Variants in CCNF observed in about 807,000 individuals in gnomAD.
CCNF encodes cyclin F, also known as cyclin-F.
In CCNF, 30 loss-of-function variants were observed where a neutral mutation model predicts 85.4. The ratio of observed to expected loss-of-function variants is 0.35; its 90% CI spans 0.26 to 0.48. The LOEUF is 0.48. Among genes scored for constraint, CCNF ranks in the 20% least tolerant of loss-of-function variants. The pLI is 0.99. For synonymous variants in CCNF, 439 were observed against 425.1 expected, an observed-to-expected ratio of 1.03 and a Z score of -0.40; for missense variants, 919 against 1,010.4, an observed-to-expected ratio of 0.91 and a Z score of 1.23.
chr16:2,433,895 C>T (rs533340702), intron 3 of CCNF, among the ~76,000 whole-genome samples: 2 of 152,210 alleles, frequency 1.3e-5, no homozygotes, highest in Non-Finnish European at 2.9e-5. Context: ...AAATCCAGAT[C>T]GACAGCCAAC....
In CCNF at chr16:2,445,453, C is replaced by T. The variant is rs376429792; in HGVS notation, c.930-5C>T. 170 of 1,613,802 alleles carry T rather than the reference C, an allele frequency of 1.1e-4. No individual in the cohort carries two copies. Among genetic ancestry groups the T allele is most frequent in the African/African-American group, 8.0e-4 (60 of 74,930 alleles). On this transcript the variant is annotated splice_polypyrimidine_tract_variant and splice_region_variant and intron_variant, in intron 9 of 16. Coordinates refer to ENST00000397066, the MANE Select transcript of CCNF (RefSeq NM_001761.3). ...ACCAGTTCCCACGTGCTTCTCTTTC[C>T]GCAGGTACATTCTGATCGACTGGCT...
intron 2 of CCNF, 100 bp downstream of exon 2, chr16:2,431,384 A>C: frequency 7.4e-7 from 1 of 1,345,252 alleles, no homozygotes; most frequent in East Asian, 2.3e-5. Context: ...GCTAAAAAAG[A>C]GGTTGGGGCA....
Position 2,453,835 on chromosome 16 carries a change from C to T in CCNF, c.1715+298C>T, listed in dbSNP as rs763732427. Among the ~76,000 whole-genome samples, 13 of 152,218 alleles carry T rather than the reference C, an allele frequency of 8.5e-5. No homozygotes were observed. Among genetic ancestry groups the T allele is most frequent in the African/African-American group, 2.7e-4 (11 of 41,446 alleles). ...AGCCTAGCCTGGCTCTAGCCCTGCCCGTGCCTGTCATGCGCGTCCTGGACT... is the reference window on the plus strand; with the variant it reads ...AGCCTAGCCTGGCTCTAGCCCTGCCTGTGCCTGTCATGCGCGTCCTGGACT... On this transcript the variant is annotated intron_variant, in intron 15 of 16. Transcript: ENST00000397066. This position sits in a 1 kb window ranked among gnomAD's most constrained non-coding sequence, Gnocchi z 5.6.
chr16:2,438,864 G>C (rs1355608577), intron 6 of CCNF, among the ~76,000 whole-genome samples: 1 of 151,900 alleles, frequency 6.6e-6, no homozygotes, highest in Non-Finnish European at 1.5e-5. Context: ...CGGGCATGGT[G>C]GTGGGCACCT....
At chr16:2,441,342 G>T (rs573416683) in intron 8 of CCNF, among the ~76,000 whole-genome samples, 39 of 152,272 alleles carry the variant, frequency 2.6e-4, no homozygotes, top group Non-Finnish European at 5.0e-4. Flanking sequence ...GCTGCAGAGA[G>T]CCGTGATCGC....
In CCNF at chr16:2,451,142, C is replaced by G. The variant is rs972483408; in HGVS notation, c.1487+1227C>G. On this transcript the variant is annotated intron_variant, in intron 13 of 16. Transcript: ENST00000397066. This position sits in a 1 kb window ranked among gnomAD's most constrained non-coding sequence, Gnocchi z 4.3. ...TTGTTCCATGCAGTTCATGAAGTCC[C>G]TACCGTGGTCCAGGCGCTGGGGGAG... Among the ~76,000 whole-genome samples, 5 of 152,240 alleles carry G rather than the reference C, an allele frequency of 3.3e-5. No homozygotes were observed. The highest frequency in any genetic ancestry group is 5.9e-5 in the Non-Finnish European group (4 of 68,046).
At chr16:2,449,044 ATT>A in intron 11 of CCNF, 66 bp downstream of exon 11, 2 of 1,381,104 alleles carry the variant, frequency 1.4e-6, no homozygotes, top group South Asian at 1.2e-5. Flanking sequence ...GGGGGTGGGC[ATT>A]CAGCTTTCCT....
chr16:2,449,805 C>CCCTCCACT lies in CCNF; in HGVS notation c.1400-20_1400-19insCCACTCCT, dbSNP rs767404667. 6 of 1,089,620 alleles carry CCCTCCACT rather than the reference C, an allele frequency of 5.5e-6. No individual in the cohort carries two copies. The Admixed American group carries it at 9.2e-5, about 17-fold the overall frequency. The allele number at this position is 1,089,620 out of a possible 1,614,324, so 67.5% of individuals were successfully genotyped here. ...CCTCCGTCCCCTCCATCCCCTCCAC[C>CCCTCCACT]CCTGGCCTGCTTTCCTCCCCAGCAC... On this transcript the variant is annotated intron_variant, in intron 12 of 16. Transcript: ENST00000397066.
At chr16:2,437,359 C>T (rs1306865837) in intron 5 of CCNF, 37 bp downstream of exon 5, 2 of 1,490,500 alleles carry the variant, frequency 1.3e-6, no homozygotes, top group East Asian at 2.3e-5. Flanking sequence ...GCGAGGCCAC[C>T]TGCAGGGTCC....
At chr16:2,446,681 G>A (rs993749568) in intron 10 of CCNF, among the ~76,000 whole-genome samples, 1 of 152,242 alleles carries the variant, frequency 6.6e-6, no homozygotes, top group Non-Finnish European at 1.5e-5. Flanking sequence ...GTAAGCTACA[G>A]AGACTTGTTT....
chr16:2,438,677 T>C (rs1438887527), intron 6 of CCNF, among the ~76,000 whole-genome samples: 1 of 147,352 alleles, frequency 6.8e-6, no homozygotes, highest in Non-Finnish European at 1.5e-5. Context: ...AGGAGGAAGA[T>C]GGTGAGTAGA....
rs148419125 is a variant in CCNF, at chr16:2,456,731, G to A, written c.2072G>A (p.Arg691Gln). The stretch of plus-strand genomic sequence containing the variant: ...CCCAAACCCCTGGTCCGCACCAGCC[G>A]GGAGCCAGGGAAGGACGTCACGACC... Reference protein sequence around the residue: ...PGPKPLVRTSREPGKDVTTSG... With the variant: ...PGPKPLVRTSQEPGKDVTTSG... The change falls in exon 17 of 17, where the codon CGG becomes CAG. Residue 691 changes from arginine to glutamine, a missense_variant. Arg to Gln is a conservative substitution (Grantham distance 43). Coordinates refer to ENST00000397066, the MANE Select transcript of CCNF (RefSeq NM_001761.3). The surrounding 1 kb of genome is among the most constrained non-coding windows in gnomAD (Gnocchi z 4.5). The A allele has an allele frequency of 4.5e-4, 720 of 1,612,246 alleles. 1 individual carries two copies. The highest frequency in any genetic ancestry group is 1.2e-3 in the East Asian group (55 of 44,860).
intron 10 of CCNF, among the ~76,000 whole-genome samples, chr16:2,446,848 A>G (rs2065364759): frequency 6.6e-6 from 1 of 152,180 alleles, no homozygotes; most frequent in South Asian, 2.1e-4. Flanking sequence ...TACCTGCCAC[A>G]TTCACCTTTG....
rs373935407 is a variant in CCNF, at chr16:2,449,425, C to G, written c.1362C>G (p.Ala454=). The part of the protein sequence containing the change: ...LSAYAPARLA[A]AALLLARLTH... The stretch of plus-strand genomic sequence containing the variant: ...CCTACGCCCCAGCCCGCCTGGCTGC[C>G]GCAGCCCTGCTCCTGGCCAGACTGA... The change falls in exon 12 of 17, where the codon GCC becomes GCG. Residue 454 remains alanine (A), a synonymous_variant. Coordinates refer to ENST00000397066, the MANE Select transcript of CCNF (RefSeq NM_001761.3). 6.2e-7 allele frequency: 1 copy of G among 1,609,198 alleles called. No individual in the cohort carries two copies.
rs757281805 is a variant in CCNF, at chr16:2,449,427, C to T, written c.1364C>T (p.Ala455Val). The change falls in exon 12 of 17, where the codon GCA (alanine) becomes GTA (valine). Residue 455 changes from alanine (A) to valine (V), a missense_variant. Coordinates refer to ENST00000397066, the MANE Select transcript of CCNF (RefSeq NM_001761.3). Reference protein sequence around the residue: ...SAYAPARLAAAALLLARLTHG... With the variant: ...SAYAPARLAAVALLLARLTHG... ...TACGCCCCAGCCCGCCTGGCTGCCG[C>T]AGCCCTGCTCCTGGCCAGACTGACG... is the stretch of plus-strand genomic sequence containing the variant. 1.2e-6 allele frequency: 2 copies of T among 1,609,000 alleles called. No homozygotes were observed. Among genetic ancestry groups the T allele is most frequent in the East Asian group, 4.5e-5 (2 of 44,874 alleles).
At chr16:2,449,137 C>G in intron 11 of CCNF, 145 bp from the exon 12 acceptor site, 1 of 1,419,596 alleles carries the variant, frequency 7.0e-7, no homozygotes, top group South Asian at 1.2e-5. Context: ...CACGGTTGCA[C>G]CACGTCGCCA....
At chr16:2,442,069 A>G (rs907568786) in intron 8 of CCNF, among the ~76,000 whole-genome samples, 12 of 142,838 alleles carry the variant, frequency 8.4e-5, no homozygotes, top group Non-Finnish European at 1.5e-5. Flanking sequence ...GCAGTGGCAC[A>G]ATCTCGGCTC....
In CCNF at chr16:2,449,925, G is replaced by C. The variant is rs1327666589; in HGVS notation, c.1487+10G>C. On this transcript the variant is annotated intron_variant, in intron 13 of 16. Coordinates refer to ENST00000397066, the MANE Select transcript of CCNF (RefSeq NM_001761.3). ...GCCTCCATAAGAAGTGGTGAGTTTT[G>C]GCCGGGCGCAGAGGCTCATGCCTGT... is the stretch of plus-strand genomic sequence containing the variant. The C allele has an allele frequency of 1.2e-6, 2 of 1,603,704 alleles. No homozygotes were observed. Among genetic ancestry groups the C allele is most frequent in the Non-Finnish European group, 1.7e-6 (2 of 1,170,600 alleles).
rs553578806 is a variant in CCNF, at chr16:2,431,679, CAA to C, written c.171+413_171+414del. Among the ~76,000 whole-genome samples, 287 of 72,932 alleles carry C rather than the reference CAA, an allele frequency of 3.9e-3. 3 individuals carry two copies. Among genetic ancestry groups the C allele is most frequent in the South Asian group, 0.033 (65 of 1,956 alleles). 47.8% of individuals were successfully genotyped at this position (72,932 alleles called of 152,430 possible). ...TGGGCGACAGAGCGAGACTCTGTCT[CAA>C]AAAAAAAAAAAAAAAAAGGAGGGCA... is the stretch of plus-strand genomic sequence containing the variant. On this transcript the variant is annotated intron_variant, in intron 2 of 16. Coordinates refer to ENST00000397066, the MANE Select transcript of CCNF (RefSeq NM_001761.3).
Sources: gnomAD v4.1 joint callset for allele counts (sites outside exome capture counted in the v4.1 genomes callset) on GRCh38, gnomAD v4.1.1 for gene constraint, Gnocchi (gnomAD v3.1) non-coding constraint, MANE v1.5 for transcripts, NCBI Gene and HGNC (gene_info 2026-07-23, HGNC 2026-07-21) for gene names.